Variants in ALG8 observed in about 807,000 individuals in gnomAD.
ALG8 encodes the protein dolichyl pyrophosphate Glc1Man9GlcNAc2 alpha-1,3-glucosyltransferase.
In ALG8, 48 loss-of-function variants were observed where a neutral mutation model predicts 70.2. The observed-to-expected ratio is 0.68, with a 90% CI of 0.54 to 0.87. The LOEUF (loss-of-function observed/expected upper bound fraction) is 0.87. ALG8 is among the 40% of genes least tolerant of loss of function. ALG8 has a pLI of 0.00. For synonymous variants in ALG8, 234 were observed against 229.0 expected (o/e 1.02, Z -0.20); for missense variants, 572 against 608.7 (o/e 0.94, Z 0.64).
intron 1 of ALG8, 21 bp downstream of exon 1, chr11:78,139,473 C>G (rs1465773666): frequency 6.4e-7 from 1 of 1,552,512 alleles, no homozygotes; most frequent in Admixed American, 2.0e-5. Flanking sequence ...CGCCCAGCCC[C>G]TGGCCGTGCG....
chr11:78,128,255 G>A (rs945177149), intron 1 of ALG8, among the ~76,000 whole-genome samples: 1 of 152,066 alleles, frequency 6.6e-6, no homozygotes, highest in Non-Finnish European at 1.5e-5. Flanking sequence ...ATCTTTTCCT[G>A]TTTGTCCACT....
intron 10 of ALG8, chr11:78,104,686 G>A (rs1448362910): frequency 2.9e-5 from 13 of 445,226 alleles, no homozygotes; most frequent in African/African-American, 1.0e-4. Flanking sequence ...GCTTCTGGCC[G>A]GGGACAGTGG....
At chr11:78,101,906 A>G (rs977914353) in intron 12 of ALG8, among the ~76,000 whole-genome samples, 1 of 152,114 alleles carries the variant, frequency 6.6e-6, no homozygotes, top group African/African-American at 2.4e-5. Flanking sequence ...CAGTGGTGCA[A>G]TCTCAGCTTA....
intron 1 of ALG8, among the ~76,000 whole-genome samples, chr11:78,129,013 A>G (rs1426520276): frequency 6.6e-6 from 1 of 152,122 alleles, no homozygotes; most frequent in African/African-American, 2.4e-5. Flanking sequence ...TTTCCTACAG[A>G]TATTTCAAAA....
At chr11:78,130,342 C>T (rs895431828) in intron 1 of ALG8, among the ~76,000 whole-genome samples, 5 of 4,102 alleles carry the variant, frequency 1.2e-3, no homozygotes, top group African/African-American at 8.9e-3. Context: ...GAGCAAGACC[C>T]GGTCTCAAAA....
At chr11:78,139,257 G>C in intron 1 of ALG8, 1 of 562,112 alleles carries the variant, frequency 1.8e-6, no homozygotes, top group Non-Finnish European at 3.2e-6. Flanking sequence ...TGAGGACCCT[G>C]AGGTTCAGAA....
In ALG8 at chr11:78,113,931, A is replaced by C. The variant is rs777178184; in HGVS notation, c.732T>G (p.Val244=). Residue 244 remains valine (V), a synonymous_variant, in exon 7 of 13, where the codon GTT becomes GTG. Coordinates refer to ENST00000299626, the MANE Select transcript of ALG8 (RefSeq NM_024079.5). ...SFVRVISLGL[V]VFLVSALSLG... ...ATGAAAGAGCAGAAACTAAGAAAAC[A>C]ACCAGTCCCAGGGAAATAACACGAA... 1 of 1,608,676 alleles carries C rather than the reference A, an allele frequency of 6.2e-7. No homozygotes were observed. Among genetic ancestry groups the C allele is most frequent in the East Asian group, 2.2e-5 (1 of 44,786 alleles).
At position 78,114,304 on chromosome 11, in the gene ALG8, T is replaced by A; in HGVS notation, c.635A>T (p.Tyr212Phe). 6.2e-6 allele frequency: 10 copies of A among 1,614,152 alleles called. No individual in the cohort carries two copies. Among genetic ancestry groups the A allele is most frequent in the Non-Finnish European group, 7.6e-6 (9 of 1,180,016 alleles). The change falls in exon 6 of 13, where the codon TAT (tyrosine) becomes TTT (phenylalanine). Residue 212 changes from tyrosine to phenylalanine, a missense_variant. Physicochemically the swap from Tyr to Phe is conservative, Grantham distance 22. Coordinates refer to ENST00000299626, the MANE Select transcript of ALG8 (RefSeq NM_024079.5). ...AGTGAAACAGTAGGATCGCAGCAGA[T>A]ATACACCATAAGCTGGTGCTACATA... ...YLYVAPAYGV[Y>F]LLRSYCFTAN...
intron 8 of ALG8, among the ~76,000 whole-genome samples, chr11:78,110,165 G>A (rs952560224): frequency 1.3e-5 from 2 of 151,770 alleles, no homozygotes; most frequent in African/African-American, 4.8e-5. Context: ...AAGCAGAACT[G>A]ATTTTCTTGT....
At chr11:78,122,737 T>C (rs574598891) in intron 3 of ALG8, among the ~76,000 whole-genome samples, 16 of 152,220 alleles carry the variant, frequency 1.1e-4, no homozygotes, top group Admixed American at 3.3e-4. Context: ...CCCTGGAAGC[T>C]TGAATTCAAA....
intron 8 of ALG8, 153 bp downstream of exon 8, chr11:78,112,497 G>C: frequency 8.8e-7 from 1 of 1,134,980 alleles, no homozygotes; most frequent in South Asian, 1.3e-5. Context: ...TCAGTCCCAA[G>C]AACTGCTCCC....
At chr11:78,139,403 C>A in intron 1 of ALG8, 91 bp downstream of exon 1, 1 of 1,291,796 alleles carries the variant, frequency 7.7e-7, no homozygotes, top group South Asian at 1.3e-5. Flanking sequence ...AAAGTTTTCT[C>A]TTCATACCCA....
chr11:78,112,838 G>T, intron 7 of ALG8, 68 bp from the exon 8 acceptor site: 2 of 1,573,494 alleles, frequency 1.3e-6, no homozygotes, highest in East Asian at 2.3e-5. Context: ...AAGAGAACTA[G>T]GGAACTCTCT....
intron 12 of ALG8, 90 bp downstream of exon 12, chr11:78,103,890 C>T: frequency 1.4e-6 from 1 of 723,848 alleles, no homozygotes; most frequent in Non-Finnish European, 2.3e-6. Context: ...ACTGTTATAA[C>T]TTAAAAATAA....
At chr11:78,109,934 AC>A (rs1019345847) in intron 8 of ALG8, among the ~76,000 whole-genome samples, 24 of 152,182 alleles carry the variant, frequency 1.6e-4, no homozygotes, top group African/African-American at 4.8e-4. Context: ...TATGGGAGAA[AC>A]CCTCTATTCC....
At chr11:78,116,024 A>G (rs1860545664) in intron 5 of ALG8, among the ~76,000 whole-genome samples, 1 of 152,232 alleles carries the variant, frequency 6.6e-6, no homozygotes, top group South Asian at 2.1e-4. Context: ...TGCACTTGAT[A>G]CAAACACTAC....
At chr11:78,111,929 T>C (rs892823895) in intron 8 of ALG8, among the ~76,000 whole-genome samples, 14 of 152,214 alleles carry the variant, frequency 9.2e-5, no homozygotes, top group African/African-American at 3.1e-4. Context: ...ACTGGTTTAA[T>C]ACCGAGAGTC....
intron 1 of ALG8, among the ~76,000 whole-genome samples, chr11:78,137,891 T>C (rs886428149): frequency 6.6e-6 from 1 of 152,110 alleles, no homozygotes; most frequent in African/African-American, 2.4e-5. Context: ...ATAGAGTTGC[T>C]CAATGGAGAG....
intron 2 of ALG8, 137 bp from the exon 3 acceptor site, chr11:78,124,351 C>T: frequency 2.4e-6 from 2 of 842,834 alleles, no homozygotes; most frequent in East Asian, 2.6e-5. Flanking sequence ...ACCTGTAACC[C>T]CAGCACTTTG....
Sources: gnomAD v4.1 joint callset for allele counts (sites outside exome capture counted in the v4.1 genomes callset) on GRCh38, gnomAD v4.1.1 for gene constraint, MANE v1.5 for transcripts, NCBI Gene and HGNC (gene_info 2026-07-23, HGNC 2026-07-21) for gene names.